The following KLHL13 variants were observed in gnomAD, a reference collection of about 807,000 sequenced individuals.
KLHL13 encodes kelch-like protein 13.
Under a neutral mutation model 37.1 loss-of-function variants are expected in KLHL13, and 10 were observed. That is an observed-to-expected ratio of 0.27 (90% CI 0.17 to 0.46). The LOEUF (loss-of-function observed/expected upper bound fraction) is 0.46, where lower values mean the gene tolerates loss of function less well. KLHL13 is among the 20% of genes least tolerant of loss of function. KLHL13 has a pLI of 1.00. For synonymous variants in KLHL13, 163 were observed against 181.2 expected, an observed-to-expected ratio of 0.90 and a Z score of 0.81; for missense variants, 360 against 509.3, an observed-to-expected ratio of 0.71 and a Z score of 2.82.
chrX:117,963,854 A>G (rs1221757628), intron 1 of KLHL13, among the ~76,000 whole-genome samples: 1 of 106,435 alleles, frequency 9.4e-6, no homozygotes, highest in Admixed American at 1.0e-4. Flanking sequence ...ATGGAATACT[A>G]TGCAGCCATA....
In KLHL13 at chrX:118,054,190, T is replaced by C. The variant is rs1436972684; in HGVS notation, c.-56+62318A>G. Among the ~76,000 whole-genome samples the C allele has an allele frequency of 1.7e-4, 19 of 111,138 alleles. No homozygotes were observed. In the East Asian group the frequency reaches 4.2e-3, roughly 25 times the overall value. On this transcript the variant is annotated intron_variant, in intron 1 of 6. Coordinates refer to the KLHL13 transcript ENST00000371882. ...TTGTTTCTTTTTTTCCTCATCTCCA[T>C]GCTAACAAGCTATAATTCAATTTGC...
chrX:118,109,287 C>T (rs963834749), intron 1 of KLHL13, among the ~76,000 whole-genome samples: 4 of 111,823 alleles, frequency 3.6e-5, no homozygotes, highest in Non-Finnish European at 7.5e-5. Context: ...CAGAGAAAAA[C>T]ATTTATGTCC....
At chrX:118,109,432 G>T (rs2055383859) in intron 1 of KLHL13, among the ~76,000 whole-genome samples, 1 of 111,958 alleles carries the variant, frequency 8.9e-6, no homozygotes, top group Admixed American at 9.5e-5. Flanking sequence ...TACCACAGCT[G>T]CCCTTGCAAG....
intron 1 of KLHL13, among the ~76,000 whole-genome samples, chrX:117,964,737 C>T (rs1490640133): frequency 6.3e-5 from 7 of 111,263 alleles, no homozygotes; most frequent in Non-Finnish European, 1.1e-4. Flanking sequence ...TCCATCCCCC[C>T]TTCCCCCACC....
exon 1 of KLHL13, chrX:117,973,282 T>C: frequency 2.1e-6 from 2 of 968,563 alleles, no homozygotes; most frequent in Non-Finnish European, 2.6e-6. Context: ...ATAGATGGGT[T>C]TCATATGAAA....
chrX:117,948,279 T>C (rs1933419706), intron 1 of KLHL13, among the ~76,000 whole-genome samples: 1 of 112,073 alleles, frequency 8.9e-6, no homozygotes, highest in African/African-American at 3.2e-5. Flanking sequence ...AGTCATAGGG[T>C]TGAATCCATG....
intron 2 of KLHL13, among the ~76,000 whole-genome samples, chrX:117,943,794 T>C (rs1204775644): frequency 9.1e-6 from 1 of 109,877 alleles, no homozygotes; most frequent in Non-Finnish European, 1.9e-5. Flanking sequence ...CTCGGAGGAG[T>C]TTGCTGTTAC....
At chrX:117,966,749 A>G (rs1341990145) in intron 1 of KLHL13, among the ~76,000 whole-genome samples, 1 of 111,525 alleles carries the variant, frequency 9.0e-6, no homozygotes, top group Non-Finnish European at 1.9e-5. Context: ...CCTCAGAAAT[A>G]ATGCCACATA....
chrX:117,918,527 C>A (rs1931501822), intron 4 of KLHL13, among the ~76,000 whole-genome samples: 1 of 110,912 alleles, frequency 9.0e-6, no homozygotes, highest in Non-Finnish European at 1.9e-5. Context: ...ATTAATATTG[C>A]CAGAATTCTT....
intron 1 of KLHL13, among the ~76,000 whole-genome samples, chrX:118,062,295 T>C (rs1225157872): frequency 1.8e-5 from 2 of 111,081 alleles, no homozygotes; most frequent in African/African-American, 3.3e-5. Context: ...GTCTGTAATT[T>C]GTCATGACAT....
chrX:118,113,645 C>T (rs2055436842), intron 1 of KLHL13, among the ~76,000 whole-genome samples: 1 of 112,241 alleles, frequency 8.9e-6, no homozygotes, highest in African/African-American at 3.2e-5. Context: ...CAGGTCTCTG[C>T]TCAATCATCT....
rs779047401 is a variant in KLHL13 at position 118,036,638 on chromosome X, C to G, written c.-56+79870G>C. ...AATGTTAGACCCAAAACCATAAAAA[C>G]CCTAGAAGAAAACATAGGCATTACC... On this transcript the variant is annotated intron_variant, in intron 1 of 6. Transcript: ENST00000371882. 2.1e-4 allele frequency among the ~76,000 whole-genome samples: 24 copies of G among 111,644 alleles called. No individual in the cohort carries two copies. The South Asian group carries it at 9.0e-3, about 42-fold the overall frequency.
intron 1 of KLHL13, among the ~76,000 whole-genome samples, chrX:118,044,234 C>T (rs1243400107): frequency 1.8e-5 from 2 of 110,813 alleles, no homozygotes. Flanking sequence ...TTGAAGTGGA[C>T]ACAACAAAAT....
intron 1 of KLHL13, among the ~76,000 whole-genome samples, chrX:118,114,995 C>T (rs1227394394): frequency 1.8e-5 from 2 of 112,111 alleles, no homozygotes; most frequent in African/African-American, 6.5e-5. Context: ...TATCTTCATT[C>T]ACAACCTGGT....
At chrX:117,992,902 C>A (rs1170907197) in intron 1 of KLHL13, among the ~76,000 whole-genome samples, 2 of 112,084 alleles carry the variant, frequency 1.8e-5, no homozygotes, top group Non-Finnish European at 3.8e-5. Flanking sequence ...TCCACCCAAG[C>A]ATTTAATAAG....
chrX:118,085,796 G>GGTGTGTGTGTGTGTGT (rs4025518), intron 1 of KLHL13, among the ~76,000 whole-genome samples: 1 of 85,603 alleles, frequency 1.2e-5, no homozygotes, highest in African/African-American at 4.3e-5. Flanking sequence ...AATATTCCAT[G>GGTGTGTGTGTGTGTGT]GTGTGTGTGT....
At chrX:118,058,501 T>C (rs1308988740) in intron 1 of KLHL13, among the ~76,000 whole-genome samples, 1 of 111,709 alleles carries the variant, frequency 9.0e-6, no homozygotes, top group Non-Finnish European at 1.9e-5. Flanking sequence ...TTCAAAACAA[T>C]TATAATCCTT....
intron 1 of KLHL13, among the ~76,000 whole-genome samples, chrX:117,982,016 A>G (rs1222549201): frequency 9.0e-6 from 1 of 110,865 alleles, no homozygotes; most frequent in African/African-American, 3.3e-5. Context: ...ACCCCTAGAA[A>G]GGAGATACAT....
chrX:117,951,520 GT>G (rs1238913265), intron 1 of KLHL13, among the ~76,000 whole-genome samples: 1 of 111,039 alleles, frequency 9.0e-6, no homozygotes, highest in Non-Finnish European at 1.9e-5. Flanking sequence ...GTTATTTGTA[GT>G]TTTTTTAATG....
Sources: gnomAD v4.1 joint callset for allele counts (sites outside exome capture counted in the v4.1 genomes callset) on GRCh38, gnomAD v4.1.1 for gene constraint, MANE v1.5 for transcripts, NCBI Gene and HGNC (gene_info 2026-07-23, HGNC 2026-07-21) for gene names.